The following GATD1 variants were observed in gnomAD, a reference collection of about 807,000 sequenced individuals.
The protein encoded by GATD1 is glutamine amidotransferase-like class 1 domain-containing protein 1.
In GATD1, 23 loss-of-function variants were observed where a neutral mutation model predicts 25.9. The ratio of observed to expected loss-of-function variants is 0.89; its 90% CI spans 0.64 to 1.26. The LOEUF is 1.26. Ranked by LOEUF, GATD1 falls within the 50% of genes most tolerant of loss-of-function variation. The pLI is 0.00. For synonymous variants in GATD1, 177 were observed against 134.6 expected (o/e 1.31, Z -2.18); for missense variants, 347 against 312.5 (o/e 1.11, Z -0.83).
Position 767,704 on chromosome 11 carries a change from C to G in GATD1, c.*3193G>C. On this transcript the variant is annotated 3_prime_UTR_variant, in exon 8 of 8. Coordinates refer to ENST00000319863, the MANE Select transcript of GATD1 (RefSeq NM_182612.4). The stretch of plus-strand genomic sequence containing the variant: ...TTAGGTGGGGCATTTGGGAGGTCAT[C>G]CGGTCACAGGGCAGGGGCACAGCCT... 1 of 973,454 alleles carries G rather than the reference C, an allele frequency of 1.0e-6. No individual in the cohort carries two copies. 60.3% of individuals were successfully genotyped at this position (973,454 alleles called of 1,614,324 possible).
rs554411238 is a variant in GATD1 at position 770,350 on chromosome 11, G to A, written c.*547C>T. ...ACACGCCAGGAAGATTTCTTCAACA[G>A]GAAAGTGCTGCCAGTGCCGGTCGGC... is the stretch of plus-strand genomic sequence containing the variant. On this transcript the variant is annotated 3_prime_UTR_variant, in exon 8 of 8. Coordinates refer to ENST00000319863, the MANE Select transcript of GATD1 (RefSeq NM_182612.4). 8 of 1,534,612 alleles carry A rather than the reference G, an allele frequency of 5.2e-6. No homozygotes were observed. The East Asian group carries it at 9.8e-5, about 19-fold the overall frequency.
intron 7 of GATD1, 23 bp downstream of exon 7, chr11:770,970 T>C (rs1863376177): frequency 6.2e-7 from 1 of 1,613,388 alleles, no homozygotes; most frequent in Non-Finnish European, 8.5e-7. Context: ...GTGGCAGGAA[T>C]GTGCCCACCC....
Position 774,021 on chromosome 11 carries a change from G to T in GATD1, c.234C>A (p.Leu78=). The T allele has an allele frequency of 6.2e-7, 1 of 1,613,606 alleles. No individual in the cohort carries two copies. ...RLKAYASPAK[L]ESIDGARYHA... Reference sequence around the variant, plus strand: ...TCCCGGGCCTACCATCGATGGACTCGAGCTTGGCGGGGCTGGCGTAAGCCT... The same window carrying T: ...TCCCGGGCCTACCATCGATGGACTCTAGCTTGGCGGGGCTGGCGTAAGCCT... The change falls in exon 3 of 8, where the codon CTC becomes CTA. Residue 78 remains leucine, a synonymous_variant. Coordinates refer to ENST00000319863, the MANE Select transcript of GATD1 (RefSeq NM_182612.4).
intron 2 of GATD1, among the ~76,000 whole-genome samples, chr11:774,727 G>A (rs1863793026): frequency 6.6e-6 from 1 of 152,348 alleles, no homozygotes; most frequent in African/African-American, 2.4e-5. Context: ...CTACTCGGGA[G>A]GCTGAGGCAG....
chr11:772,761 T>C, intron 4 of GATD1: 1 of 571,514 alleles, frequency 1.7e-6, no homozygotes, highest in East Asian at 2.9e-5. Flanking sequence ...AGAGCCCAAA[T>C]CTCAGGTTTT....
At position 767,735 on chromosome 11, in the gene GATD1, T is replaced by C. The variant is rs1335756790; in HGVS notation, c.*3162A>G. 1.5e-5 allele frequency: 9 copies of C among 600,062 alleles called. No homozygotes were observed. The highest frequency in any genetic ancestry group is 1.9e-5 in the African/African-American group (1 of 51,680). The allele number at this position is 600,062 out of a possible 1,614,324, so 37.2% of individuals were successfully genotyped here. A position where few individuals can be genotyped will look rare whatever the true frequency, so the allele number is the denominator to read the frequency against. On this transcript the variant is annotated 3_prime_UTR_variant, in exon 8 of 8. Coordinates refer to ENST00000319863, the MANE Select transcript of GATD1 (RefSeq NM_182612.4). ...ACAGGGCAGGGGCACAGCCTCATCATGGGACCATCACCCTCACAAAAGAGG... is the reference window on the plus strand; with the variant it reads ...ACAGGGCAGGGGCACAGCCTCATCACGGGACCATCACCCTCACAAAAGAGG...
Position 767,246 on chromosome 11 carries a change from T to A in GATD1, c.*3651A>T, listed in dbSNP as rs1309139933. ...ATTTGCATGCTGCTGCATGGTTTTA[T>A]TCCTCATGGGTAGATGAACACACAC... On this transcript the variant is annotated 3_prime_UTR_variant, in exon 8 of 8. Transcript: ENST00000319863. The A allele has an allele frequency of 6.5e-7, 1 of 1,535,882 alleles. No homozygotes were observed. Among genetic ancestry groups the A allele is most frequent in the Non-Finnish European group, 8.7e-7 (1 of 1,146,820 alleles).
Position 767,462 on chromosome 11 carries a change from C to G in GATD1, c.*3435G>C. On this transcript the variant is annotated 3_prime_UTR_variant, in exon 8 of 8. Transcript: ENST00000319863. ...GAGGAATGACGCAGGGGCCTGCAGG[C>G]AGCTCACGCGGAGACAGGTCTGTGG... The G allele has an allele frequency of 2.7e-6, 4 of 1,459,110 alleles. No individual in the cohort carries two copies. Among genetic ancestry groups the G allele is most frequent in the Non-Finnish European group, 3.6e-6 (4 of 1,111,476 alleles). The allele number at this position is 1,459,110 out of a possible 1,614,324, so 90.4% of individuals were successfully genotyped here.
At chr11:774,160 C>T (rs756527947) in intron 2 of GATD1, 47 bp from the exon 3 acceptor site, 1 of 1,543,490 alleles carries the variant, frequency 6.5e-7, no homozygotes, top group Middle Eastern at 1.7e-4. Context: ...CAGGGATATC[C>T]CTGTCGGCTC....
Position 769,255 on chromosome 11 carries a change from G to C in GATD1, c.*1642C>G. ...ACTGGAGGGACGCAGCCTTCAGGGC[G>C]GGGATGTGGCTGCAGCGCTTCCTTC... On this transcript the variant is annotated 3_prime_UTR_variant, in exon 8 of 8. Transcript: ENST00000319863. 3.0e-6 allele frequency: 3 copies of C among 985,436 alleles called. No individual in the cohort carries two copies. The highest frequency in any genetic ancestry group is 1.2e-6 in the Non-Finnish European group (1 of 829,950). 61.0% of individuals were successfully genotyped at this position (985,436 alleles called of 1,614,324 possible). A position where few individuals can be genotyped will look rare whatever the true frequency, so the allele number is the denominator to read the frequency against.
Position 770,613 on chromosome 11 carries a change from T to C in GATD1, c.*284A>G. 7.1e-7 allele frequency: 1 copy of C among 1,409,512 alleles called. No homozygotes were observed. The highest frequency in any genetic ancestry group is 9.2e-7 in the Non-Finnish European group (1 of 1,084,912). The allele number at this position is 1,409,512 out of a possible 1,614,324, so 87.3% of individuals were successfully genotyped here. A position where few individuals can be genotyped will look rare whatever the true frequency, so the allele number is the denominator to read the frequency against. On this transcript the variant is annotated 3_prime_UTR_variant, in exon 8 of 8. Transcript: ENST00000319863. ...CTCCCTAGAAAACCCAGCCTGGAAT[T>C]CCCGAGGACCACCTAGCAGCTAGCA...
chr11:772,605 C>T (rs1254690991), intron 4 of GATD1, 84 bp from the exon 5 acceptor site: 3 of 1,321,982 alleles, frequency 2.3e-6, no homozygotes, highest in Admixed American at 1.8e-5. Flanking sequence ...CTTGTGGCTC[C>T]CCCAGGCTTG....
In GATD1 at chr11:770,530, C is replaced by G. The variant is rs1863334051; in HGVS notation, c.*367G>C. 7.1e-7 allele frequency: 1 copy of G among 1,417,098 alleles called. No homozygotes were observed. The highest frequency in any genetic ancestry group is 9.2e-7 in the Non-Finnish European group (1 of 1,087,526). The allele number at this position is 1,417,098 out of a possible 1,614,324, so 87.8% of individuals were successfully genotyped here. ...CAGGCCACAGCAGGGCAAACCCACA[C>G]AGAGGACCCCCGAGCCGACTCTGTC... On this transcript the variant is annotated 3_prime_UTR_variant, in exon 8 of 8. Transcript: ENST00000319863.
chr11:771,550 T>C, intron 5 of GATD1, 124 bp from the exon 6 acceptor site: 1 of 1,421,206 alleles, frequency 7.0e-7, no homozygotes, highest in Non-Finnish European at 9.2e-7. Context: ...GTGTCACTGC[T>C]CATAACAGGG....
chr11:774,602 G>A (rs1326442676), intron 2 of GATD1, among the ~76,000 whole-genome samples: 4 of 152,214 alleles, frequency 2.6e-5, no homozygotes, highest in Admixed American at 6.5e-5. Context: ...AGGCCGAGGC[G>A]GGTGGGTCAC....
rs149307991 is a variant in GATD1, at chr11:770,372, C to G, written c.*525G>C. On this transcript the variant is annotated 3_prime_UTR_variant, in exon 8 of 8. Transcript: ENST00000319863. ...ACAGGAAAGTGCTGCCAGTGCCGGT[C>G]GGCCTTGGGGCAGGAGGCTGCTGCT... is the stretch of plus-strand genomic sequence containing the variant. The G allele has an allele frequency of 1.3e-6, 2 of 1,533,516 alleles. No homozygotes were observed. The highest frequency in any genetic ancestry group is 1.4e-5 in the African/African-American group (1 of 72,904). The allele number at this position is 1,533,516 out of a possible 1,614,324, so 95.0% of individuals were successfully genotyped here.
chr11:768,260 AGAGATC>A lies in GATD1; in HGVS notation c.*2631_*2636del, dbSNP rs1564999072. ...CCGAGGCGGGCAGATCATGAGGTCA[AGAGATC>A]GAGACCATCCTGGCCAACATGGTGA... is the stretch of plus-strand genomic sequence containing the variant. On this transcript the variant is annotated 3_prime_UTR_variant, in exon 8 of 8. Coordinates refer to ENST00000319863, the MANE Select transcript of GATD1 (RefSeq NM_182612.4). 2 of 150,868 alleles carry A rather than the reference AGAGATC, an allele frequency of 1.3e-5. No homozygotes were observed. The highest frequency in any genetic ancestry group is 1.3e-4 in the Admixed American group (2 of 15,076). 9.3% of individuals were successfully genotyped at this position (150,868 alleles called of 1,614,324 possible).
At chr11:773,255 GTCCTGCC>G (rs1450921262) in intron 4 of GATD1, 3 of 439,308 alleles carry the variant, frequency 6.8e-6, no homozygotes, top group African/African-American at 6.3e-5. Flanking sequence ...TCAGGCCGGT[GTCCTGCC>G]TTGCTCAGGA....
chr11:770,686 C>G lies in GATD1; in HGVS notation c.*211G>C, dbSNP rs185212699. On this transcript the variant is annotated 3_prime_UTR_variant, in exon 8 of 8. Coordinates refer to ENST00000319863, the MANE Select transcript of GATD1 (RefSeq NM_182612.4). ...CTTTTCTCTGCCTCCTACCAGAGAA[C>G]ATGCAGGAGGATGGGGGTTTGGACC... The G allele has an allele frequency of 4.3e-5, 62 of 1,426,670 alleles. No individual in the cohort carries two copies. In the Admixed American group the frequency reaches 1.3e-3, roughly 31 times the overall value. 88.4% of individuals were successfully genotyped at this position (1,426,670 alleles called of 1,614,324 possible).
Sources: allele counts gnomAD v4.1 joint callset (sites outside exome capture counted in the v4.1 genomes callset), GRCh38; gene constraint gnomAD v4.1.1; transcripts MANE v1.5; gene names NCBI Gene and HGNC (gene_info 2026-07-23, HGNC 2026-07-21).